The following TENM3 variants were observed in gnomAD, a reference collection of about 807,000 sequenced individuals.
TENM3 encodes the protein teneurin transmembrane protein 3, also known as teneurin-3.
In TENM3, 63 loss-of-function variants were observed where a neutral mutation model predicts 255.1. The ratio of observed to expected loss-of-function variants is 0.25; its 90% confidence interval spans 0.20 to 0.30. The LOEUF (loss-of-function observed/expected upper bound fraction) is 0.30. Ranked by LOEUF, TENM3 falls within the 10% of genes least tolerant of loss-of-function variation. The pLI is 1.00. For missense variants in TENM3, 2,929 were observed against 3,461.1 expected (o/e 0.85, Z 3.86); for synonymous variants, 1,306 against 1,322.3 (o/e 0.99, Z 0.27).
At chr4:181,641,422 G>T in the TENM3 span, among the ~76,000 whole-genome samples, 1 of 150,904 alleles carries the variant, frequency 6.6e-6, no homozygotes, top group East Asian at 2.0e-4. Flanking sequence ...TTATGAGTGA[G>T]AACATGCGGT....
At chr4:181,541,210 C>CA in the TENM3 span, among the ~76,000 whole-genome samples, 1 of 151,912 alleles carries the variant, frequency 6.6e-6, no homozygotes, top group East Asian at 1.9e-4. Flanking sequence ...TCTCTCTCTA[C>CA]AAAAAATAAA....
Position 182,161,617 on chromosome 4 carries a change from A to ATG in TENM3, c.-76+16864_-76+16865insGT, listed in dbSNP as rs1292307311. ...TATATATACATATATATATATGTAT[A>ATG]TATATATACAAATATATATATGTAT... is the stretch of plus-strand genomic sequence containing the variant. On this transcript the variant is annotated intron_variant, in intron 1 of 2. Coordinates refer to the TENM3 transcript ENST00000512480. 2.5e-4 allele frequency among the ~76,000 whole-genome samples: 27 copies of ATG among 108,506 alleles called. 1 individual carries two copies. Among genetic ancestry groups the ATG allele is most frequent in the Admixed American group, 5.3e-4 (5 of 9,452 alleles). The allele number at this position is 108,506 out of a possible 152,430, so 71.2% of individuals were successfully genotyped here.
At chr4:181,553,260 A>AGTGTGTGTGTGTGTGTGTGT in the TENM3 span, among the ~76,000 whole-genome samples, 1 of 133,470 alleles carries the variant, frequency 7.5e-6, no homozygotes, top group African/African-American at 2.9e-5. Flanking sequence ...ATAGTCATTA[A>AGTGTGTGTGTGTGTGTGTGT]GTGTGTGTGT....
chr4:182,727,886 A>G (rs13121970), intron 13 of TENM3, among the ~76,000 whole-genome samples: 17,159 of 142,324 alleles, frequency 0.12, 1,336 homozygotes, highest in South Asian at 0.17. Flanking sequence ...TTTTTGAGAC[A>G]GTTTTGCTCT....
chr4:182,213,942 C>T (rs949447812), intron 1 of TENM3, among the ~76,000 whole-genome samples: 2 of 152,054 alleles, frequency 1.3e-5, no homozygotes, highest in Non-Finnish European at 2.9e-5. Context: ...GCTGGGACTA[C>T]AGGCGCCCGC....
the TENM3 span, among the ~76,000 whole-genome samples, chr4:182,001,373 A>G: frequency 6.6e-6 from 1 of 152,032 alleles, no homozygotes; most frequent in Non-Finnish European, 1.5e-5. Context: ...CTTGCTCTCT[A>G]TCTATGCATA....
chr4:182,647,470 C>T (rs776941722), intron 5 of TENM3, among the ~76,000 whole-genome samples: 4 of 152,156 alleles, frequency 2.6e-5, no homozygotes, highest in South Asian at 2.1e-4. Flanking sequence ...TGGAATTATA[C>T]GGTATTTGTA....
the TENM3 span, among the ~76,000 whole-genome samples, chr4:181,803,001 C>T: frequency 6.6e-6 from 1 of 152,138 alleles, no homozygotes; most frequent in Non-Finnish European, 1.5e-5. Flanking sequence ...AGAATAGAGG[C>T]TATTTTATAA....
At chr4:182,483,013 G>A (rs754960002) in intron 3 of TENM3, among the ~76,000 whole-genome samples, 2 of 151,972 alleles carry the variant, frequency 1.3e-5, no homozygotes, top group African/African-American at 2.4e-5. Context: ...ATTGCTTTAG[G>A]AATATTTACA....
intron 13 of TENM3, among the ~76,000 whole-genome samples, chr4:182,715,957 C>G (rs1759129345): frequency 6.6e-6 from 1 of 152,204 alleles, no homozygotes; most frequent in African/African-American, 2.4e-5. Context: ...CCTTTCCTTC[C>G]TGCTCCGGAT....
At chr4:182,513,568 G>A (rs1580792962) in intron 3 of TENM3, among the ~76,000 whole-genome samples, 1 of 152,016 alleles carries the variant, frequency 6.6e-6, no homozygotes, top group South Asian at 2.1e-4. Flanking sequence ...ATTAAATCTG[G>A]CTTTTAGAAA....
chr4:181,598,418 T>A, the TENM3 span, among the ~76,000 whole-genome samples: 73 of 152,296 alleles, frequency 4.8e-4, no homozygotes, highest in African/African-American at 1.7e-3. Context: ...GGGGTGATAA[T>A]GACAACATTC....
At chr4:182,419,875 TG>T (rs1770683776) in intron 3 of TENM3, among the ~76,000 whole-genome samples, 1 of 35,582 alleles carries the variant, frequency 2.8e-5, no homozygotes, top group Non-Finnish European at 5.6e-5. Context: ...TGTCGTGGGG[TG>T]GGGGAGGGGG....
chr4:182,268,997 G>T (rs1172381312), intron 1 of TENM3, among the ~76,000 whole-genome samples: 1 of 152,076 alleles, frequency 6.6e-6, no homozygotes, highest in Non-Finnish European at 1.5e-5. Context: ...TTGGGATCTG[G>T]ATGGGGACCC....
chr4:181,792,441 G>A, the TENM3 span, among the ~76,000 whole-genome samples: 17 of 152,040 alleles, frequency 1.1e-4, no homozygotes, highest in Non-Finnish European at 2.1e-4. Context: ...GCAATATACC[G>A]GAAAAGAAGA....
At chr4:182,051,240 G>A in the TENM3 span, among the ~76,000 whole-genome samples, 2,951 of 151,860 alleles carry the variant, frequency 0.019, 118 homozygotes, top group African/African-American at 0.067. Flanking sequence ...CTACTCGGGA[G>A]GCTAAGGCAG....
At chr4:181,920,583 TG>T in the TENM3 span, among the ~76,000 whole-genome samples, 2 of 152,188 alleles carry the variant, frequency 1.3e-5, no homozygotes, top group African/African-American at 2.4e-5. Context: ...TGGGGTTGTT[TG>T]TTTTTTTCTT....
chr4:182,088,632 A>G, the TENM3 span, among the ~76,000 whole-genome samples: 1 of 152,156 alleles, frequency 6.6e-6, no homozygotes, highest in Non-Finnish European at 1.5e-5. Context: ...CAGGAGATCA[A>G]GATCATCCCG....
chr4:181,736,430 C>T, the TENM3 span, among the ~76,000 whole-genome samples: 2 of 152,042 alleles, frequency 1.3e-5, no homozygotes, highest in Admixed American at 6.6e-5. Flanking sequence ...AGAACTAGAC[C>T]ATTTTATCCA....
Sources: gnomAD v4.1 joint callset for allele counts (sites outside exome capture counted in the v4.1 genomes callset) on GRCh38, gnomAD v4.1.1 for gene constraint, MANE v1.5 for transcripts, NCBI Gene and HGNC (gene_info 2026-07-23, HGNC 2026-07-21) for gene names.